Variants in TBC1D5 observed in about 807,000 individuals in gnomAD.
TBC1D5 encodes TBC1 domain family, member 5.
In TBC1D5, 75 loss-of-function variants were observed where a neutral mutation model predicts 100.3. The ratio of observed to expected loss-of-function variants is 0.75; its 90% confidence interval spans 0.62 to 0.91. The LOEUF is 0.91. Among genes scored for constraint, TBC1D5 ranks in the 40% least tolerant of loss-of-function variants. The pLI is 0.00. For missense variants in TBC1D5, 910 were observed against 942.4 expected (o/e 0.97, Z 0.45); for synonymous variants, 323 against 325.6 (o/e 0.99, Z 0.09).
chr3:17,431,352 T>C (rs1335181270), intron 3 of TBC1D5, among the ~76,000 whole-genome samples: 2 of 152,006 alleles, frequency 1.3e-5, no homozygotes, highest in Non-Finnish European at 2.9e-5. Flanking sequence ...GATAATAGGC[T>C]TCCTCTTACC....
At chr3:17,697,503 C>T (rs902139163) in intron 1 of TBC1D5, among the ~76,000 whole-genome samples, 3 of 152,176 alleles carry the variant, frequency 2.0e-5, no homozygotes, top group Non-Finnish European at 4.4e-5. Context: ...TTCCCATTCA[C>T]AATTGCTACC....
chr3:17,320,254 A>C (rs1165300913), intron 13 of TBC1D5, among the ~76,000 whole-genome samples: 1 of 152,214 alleles, frequency 6.6e-6, no homozygotes, highest in Non-Finnish European at 1.5e-5. Flanking sequence ...ACTGTAAAGC[A>C]GTGGTTTTCA....
At chr3:17,653,159 T>C (rs1213087473) in intron 1 of TBC1D5, among the ~76,000 whole-genome samples, 1 of 151,264 alleles carries the variant, frequency 6.6e-6, no homozygotes, top group Non-Finnish European at 1.5e-5. Flanking sequence ...CTGGGAGGAG[T>C]ATGGGGACAG....
chr3:17,270,914 C>A (rs2079349180), intron 15 of TBC1D5, among the ~76,000 whole-genome samples: 1 of 152,136 alleles, frequency 6.6e-6, no homozygotes, highest in Non-Finnish European at 1.5e-5. Context: ...TGTCAAGTAT[C>A]AGTTGGCTGC....
In TBC1D5 at chr3:17,257,981, C is replaced by T. The variant is rs572128676; in HGVS notation, c.1331+525G>A. 1.3e-5 allele frequency among the ~76,000 whole-genome samples: 2 copies of T among 152,230 alleles called. 1 individual carries two copies. Among genetic ancestry groups the T allele is most frequent in the South Asian group, 4.1e-4 (2 of 4,830 alleles). The stretch of plus-strand genomic sequence containing the variant: ...GAAAGAACAAAACCATTCATCAACC[C>T]TTTCTGCCAATGTTAACTTCTTTAA... On this transcript the variant is annotated intron_variant, in intron 16 of 21. Coordinates refer to ENST00000253692, the Ensembl canonical transcript of TBC1D5.
intron 1 of TBC1D5, among the ~76,000 whole-genome samples, chr3:17,628,832 G>A (rs1207021627): frequency 1.3e-5 from 2 of 152,136 alleles, no homozygotes; most frequent in Non-Finnish European, 2.9e-5. Flanking sequence ...AATGCTAAGT[G>A]GTTATGTGTG....
At chr3:17,328,876 C>T (rs1357019213) in intron 13 of TBC1D5, among the ~76,000 whole-genome samples, 1 of 152,112 alleles carries the variant, frequency 6.6e-6, no homozygotes, top group Non-Finnish European at 1.5e-5. Context: ...TTATATCTAT[C>T]GGTCATTTGG....
intron 18 of TBC1D5, among the ~76,000 whole-genome samples, chr3:17,205,783 T>C (rs1329253571): frequency 6.6e-6 from 1 of 152,086 alleles, no homozygotes; most frequent in Non-Finnish European, 1.5e-5. Flanking sequence ...TGCACGTGTG[T>C]GTGATATAAT....
At chr3:17,372,190 T>G (rs376409138) in exon 13 of TBC1D5, 1 of 1,613,772 alleles carries the variant, frequency 6.2e-7, no homozygotes. Context: ...ATAGCAATTG[T>G]TGGCCCTAAA....
chr3:17,273,213 T>G (rs1227132203), intron 15 of TBC1D5, among the ~76,000 whole-genome samples: 1 of 152,166 alleles, frequency 6.6e-6, no homozygotes, highest in Non-Finnish European at 1.5e-5. Context: ...CAATTATAAT[T>G]CTGTCTTCTT....
At chr3:17,658,295 C>A (rs923896130) in intron 1 of TBC1D5, among the ~76,000 whole-genome samples, 33 of 152,302 alleles carry the variant, frequency 2.2e-4, no homozygotes, top group Admixed American at 1.7e-3. Flanking sequence ...GCTATATATA[C>A]TACTATTACT....
At chr3:17,697,512 C>T (rs1346894594) in intron 1 of TBC1D5, among the ~76,000 whole-genome samples, 2 of 152,076 alleles carry the variant, frequency 1.3e-5, no homozygotes, top group Non-Finnish European at 2.9e-5. Context: ...ACAATTGCTA[C>T]CAAGAGAATA....
chr3:17,412,715 A>G (rs973638705), intron 4 of TBC1D5, among the ~76,000 whole-genome samples: 2 of 152,170 alleles, frequency 1.3e-5, no homozygotes, highest in African/African-American at 4.8e-5. Flanking sequence ...TAAATCACTT[A>G]GGGTATATAT....
chr3:17,344,285 G>C (rs1010163995), intron 13 of TBC1D5, among the ~76,000 whole-genome samples: 4 of 152,024 alleles, frequency 2.6e-5, no homozygotes, highest in Non-Finnish European at 5.9e-5. Context: ...GACAAACAGA[G>C]AGCCAAATCA....
chr3:17,344,876 G>A (rs2089625801), intron 13 of TBC1D5, among the ~76,000 whole-genome samples: 2 of 152,128 alleles, frequency 1.3e-5, no homozygotes, highest in Non-Finnish European at 2.9e-5. Context: ...GTAGAAAGCT[G>A]AAACTGGATC....
intron 2 of TBC1D5, among the ~76,000 whole-genome samples, chr3:17,567,780 T>C (rs1045402460): frequency 2.0e-5 from 3 of 151,692 alleles, no homozygotes; most frequent in Non-Finnish European, 3.0e-5. Context: ...ATACTACACA[T>C]TGAAAATAAA....
At chr3:17,660,961 C>T (rs905494831) in intron 1 of TBC1D5, among the ~76,000 whole-genome samples, 2 of 152,144 alleles carry the variant, frequency 1.3e-5, no homozygotes, top group African/African-American at 2.4e-5. Context: ...AGAAGGCTAA[C>T]GTAAGCTTTC....
rs33956978 is a variant in TBC1D5, at chr3:17,602,561, A to ATTTTTTTTTTTTTTTTTTTTT, written c.-36+21267_-36+21287dup. 1.1e-4 allele frequency among the ~76,000 whole-genome samples: 8 copies of ATTTTTTTTTTTTTTTTTTTTT among 74,516 alleles called. 1 individual carries two copies. Among genetic ancestry groups the ATTTTTTTTTTTTTTTTTTTTT allele is most frequent in the Non-Finnish European group, 2.0e-4 (8 of 40,414 alleles). 48.9% of individuals were successfully genotyped at this position (74,516 alleles called of 152,430 possible). On this transcript the variant is annotated intron_variant, in intron 2 of 21. Transcript: ENST00000253692. ...TTATGCCATAATACGAGAGAATCAG[A>ATTTTTTTTTTTTTTTTTTTTT]TTTTTTTTTTTTTTTTTTTTTTTTT...
chr3:17,410,774 A>G (rs1212150874), intron 4 of TBC1D5, among the ~76,000 whole-genome samples: 10 of 152,182 alleles, frequency 6.6e-5, no homozygotes, highest in Admixed American at 6.6e-4. Context: ...CTATAATCTC[A>G]TATATATAAA....
Sources: allele counts gnomAD v4.1 joint callset (sites outside exome capture counted in the v4.1 genomes callset), GRCh38; gene constraint gnomAD v4.1.1; transcripts MANE v1.5; gene names NCBI Gene and HGNC (gene_info 2026-07-23, HGNC 2026-07-21).